The following KAZN variants were observed in gnomAD, a reference collection of about 807,000 sequenced individuals.
KAZN encodes kazrin.
Under a neutral mutation model 87.4 loss-of-function variants are expected in KAZN, and 40 were observed. The ratio of observed to expected loss-of-function variants is 0.46; its 90% CI spans 0.36 to 0.60. The LOEUF (loss-of-function observed/expected upper bound fraction) is 0.60, where lower values mean the gene tolerates loss of function less well. Ranked by LOEUF, KAZN falls within the 20% of genes least tolerant of loss-of-function variation. The pLI, the probability that KAZN is intolerant of heterozygous loss-of-function variation, is 0.00. For synonymous variants in KAZN, 466 were observed against 458.3 expected (o/e 1.02, Z -0.22); for missense variants, 898 against 1,073.9 (o/e 0.84, Z 2.29).
intron 1 of KAZN, among the ~76,000 whole-genome samples, chr1:14,882,685 C>T (rs1043454565): frequency 1.3e-5 from 2 of 152,142 alleles, no homozygotes; most frequent in East Asian, 1.9e-4. Context: ...TCTCCCTGCA[C>T]GTGGAGGGCT....
intron 2 of KAZN, among the ~76,000 whole-genome samples, chr1:14,311,306 C>G (rs1291972103): frequency 6.6e-6 from 1 of 152,152 alleles, no homozygotes; most frequent in African/African-American, 2.4e-5. Flanking sequence ...GCTTCCTTAC[C>G]TGCACAATGG....
chr1:14,022,158 G>A (rs1301776071), intron 1 of KAZN, among the ~76,000 whole-genome samples: 1 of 151,966 alleles, frequency 6.6e-6, no homozygotes, highest in Admixed American at 6.6e-5. Flanking sequence ...TGGATCTGGG[G>A]TGTGCGTGTG....
chr1:14,591,596 A>C (rs1343655127), intron 2 of KAZN, among the ~76,000 whole-genome samples: 1 of 152,234 alleles, frequency 6.6e-6, no homozygotes, highest in African/African-American at 2.4e-5. Context: ...CTTCTGAATT[A>C]GAAGTGATTA....
intron 1 of KAZN, among the ~76,000 whole-genome samples, chr1:14,947,037 T>C (rs1661890773): frequency 6.6e-6 from 1 of 152,088 alleles, no homozygotes; most frequent in Non-Finnish European, 1.5e-5. Flanking sequence ...GTTCTGGGAA[T>C]GGGTGGAGAA....
intron 1 of KAZN, among the ~76,000 whole-genome samples, chr1:14,772,375 T>C (rs1645043395): frequency 1.3e-5 from 2 of 152,074 alleles, no homozygotes; most frequent in African/African-American, 2.4e-5. Flanking sequence ...TCCCAGCTCC[T>C]CAGGAGGCTG....
intron 1 of KAZN, among the ~76,000 whole-genome samples, chr1:14,827,042 GGA>G (rs1646911706): frequency 6.6e-6 from 1 of 152,160 alleles, no homozygotes; most frequent in Admixed American, 6.5e-5. Flanking sequence ...ATGATGTGCG[GGA>G]GGCTGCGCAC....
At chr1:14,091,255 C>T (rs1445479561) in intron 1 of KAZN, among the ~76,000 whole-genome samples, 1 of 152,128 alleles carries the variant, frequency 6.6e-6, no homozygotes, top group Non-Finnish European at 1.5e-5. Context: ...CTCAGTGAGA[C>T]CACCAGGCTC....
chr1:14,816,293 T>C (rs1646560674), intron 1 of KAZN, among the ~76,000 whole-genome samples: 1 of 152,230 alleles, frequency 6.6e-6, no homozygotes, highest in Non-Finnish European at 1.5e-5. Flanking sequence ...AAATGGGTCC[T>C]CTGCTCCGAG....
chr1:14,311,590 A>G (rs1010798889), intron 2 of KAZN, among the ~76,000 whole-genome samples: 12 of 152,218 alleles, frequency 7.9e-5, no homozygotes, highest in African/African-American at 2.9e-4. Context: ...TCTCTCCGGT[A>G]GAGTTTGACA....
At chr1:14,795,666 A>T (rs1572502017) in intron 1 of KAZN, among the ~76,000 whole-genome samples, 1 of 151,096 alleles carries the variant, frequency 6.6e-6, no homozygotes, top group Admixed American at 6.6e-5. Context: ...TCTGGCTCTC[A>T]CCTCCTCTCC....
chr1:14,755,569 CT>C (rs1223843213), intron 1 of KAZN, among the ~76,000 whole-genome samples: 3 of 152,172 alleles, frequency 2.0e-5, no homozygotes, highest in Admixed American at 1.3e-4. Context: ...GGTCTCAGCG[CT>C]GATTCCCACA....
At chr1:14,723,058 C>T (rs958733028) in intron 1 of KAZN, among the ~76,000 whole-genome samples, 2 of 151,988 alleles carry the variant, frequency 1.3e-5, no homozygotes, top group African/African-American at 4.8e-5. Flanking sequence ...CCCGGGAAGT[C>T]GAGGCTGCCC....
At chr1:14,616,926 T>C (rs578061325) in intron 1 of KAZN, among the ~76,000 whole-genome samples, 1 of 152,298 alleles carries the variant, frequency 6.6e-6, no homozygotes, top group East Asian at 1.9e-4. Flanking sequence ...TAAGGGGCTG[T>C]CTATGCTGTC....
At chr1:14,839,128 A>G (rs1647633539) in intron 1 of KAZN, among the ~76,000 whole-genome samples, 1 of 152,190 alleles carries the variant, frequency 6.6e-6, no homozygotes, top group African/African-American at 2.4e-5. Flanking sequence ...ACTTCGGAGC[A>G]CTAACACTTA....
intron 1 of KAZN, among the ~76,000 whole-genome samples, chr1:13,928,977 G>A (rs1640394218): frequency 6.7e-6 from 1 of 149,298 alleles, no homozygotes; most frequent in African/African-American, 2.5e-5. Flanking sequence ...GTAGCTTTCT[G>A]CTTTGTAAAA....
chr1:13,963,163 G>A (rs958443862), intron 1 of KAZN, among the ~76,000 whole-genome samples: 1 of 152,104 alleles, frequency 6.6e-6, no homozygotes. Flanking sequence ...TGGGGAGTGG[G>A]GAAAGAGGGG....
intron 2 of KAZN, among the ~76,000 whole-genome samples, chr1:14,542,185 A>G (rs1234724277): frequency 1.3e-5 from 2 of 151,836 alleles, no homozygotes; most frequent in African/African-American, 4.8e-5. Context: ...GAACTAGGGT[A>G]TAACAAGGAC....
At chr1:14,498,841 C>T (rs1056535283) in intron 2 of KAZN, among the ~76,000 whole-genome samples, 10 of 152,060 alleles carry the variant, frequency 6.6e-5, no homozygotes, top group African/African-American at 2.2e-4. Context: ...GTAGCCTCTT[C>T]GCTACAGTGA....
At chr1:14,429,706 TTA>T (rs1477431461) in intron 2 of KAZN, among the ~76,000 whole-genome samples, 5 of 152,136 alleles carry the variant, frequency 3.3e-5, no homozygotes, top group African/African-American at 1.2e-4. Flanking sequence ...TCTTTGGGCT[TTA>T]TGTCATGTAA....
Sources: gnomAD v4.1 joint callset for allele counts (sites outside exome capture counted in the v4.1 genomes callset) on GRCh38, gnomAD v4.1.1 for gene constraint, MANE v1.5 for transcripts, NCBI Gene and HGNC (gene_info 2026-07-23, HGNC 2026-07-21) for gene names.